Variants in ENTREP2 observed in about 807,000 individuals in gnomAD.
ENTREP2 encodes the protein endosomal transmembrane epsin interactor 2.
chr15:29,324,358 A>G, the ENTREP2 span, among the ~76,000 whole-genome samples: 1 of 152,218 alleles, frequency 6.6e-6, no homozygotes, highest in Non-Finnish European at 1.5e-5. Context: ...CTAGGATTAC[A>G]GGCATGAGCC....
chr15:29,668,332 C>T, the ENTREP2 span, among the ~76,000 whole-genome samples: 1 of 152,124 alleles, frequency 6.6e-6, no homozygotes, highest in Admixed American at 6.6e-5. Flanking sequence ...CAGCAGATGG[C>T]GCCACTTCGG....
chr15:29,194,657 T>A, the ENTREP2 span, among the ~76,000 whole-genome samples: 4 of 152,152 alleles, frequency 2.6e-5, no homozygotes, highest in Non-Finnish European at 5.9e-5. Context: ...GAACAGTGAA[T>A]AAGAGTGAGA....
chr15:29,268,903 G>C, the ENTREP2 span: 1 of 1,614,156 alleles, frequency 6.2e-7, no homozygotes, highest in Non-Finnish European at 8.5e-7. Context: ...ATGGACCTTG[G>C]CCACAAACTT....
chr15:29,391,597 T>C, the ENTREP2 span, among the ~76,000 whole-genome samples: 1 of 152,082 alleles, frequency 6.6e-6, no homozygotes, highest in African/African-American at 2.4e-5. Context: ...TTGATGCACA[T>C]TCTCTCTTAA....
the ENTREP2 span, among the ~76,000 whole-genome samples, chr15:29,653,529 TAGTG>T: frequency 6.6e-6 from 1 of 152,180 alleles, no homozygotes; most frequent in Non-Finnish European, 1.5e-5. Flanking sequence ...GTTCTCATCA[TAGTG>T]AGTGAGATGT....
chr15:29,202,810 T>A, the ENTREP2 span, among the ~76,000 whole-genome samples: 22 of 152,242 alleles, frequency 1.4e-4, no homozygotes, highest in African/African-American at 5.3e-4. Flanking sequence ...GCAAAAGGCA[T>A]GAACTTATTC....
the ENTREP2 span, among the ~76,000 whole-genome samples, chr15:29,493,581 C>A: frequency 1.7e-5 from 2 of 118,526 alleles, no homozygotes; most frequent in African/African-American, 8.2e-5. Context: ...AACACCACTG[C>A]ACTCCAGCCA....
At chr15:29,280,753 G>A in the ENTREP2 span, among the ~76,000 whole-genome samples, 1 of 152,224 alleles carries the variant, frequency 6.6e-6, no homozygotes, top group Non-Finnish European at 1.5e-5. Flanking sequence ...ATGGGAAGGC[G>A]TTTCCTCAAA....
chr15:29,629,160 T>C, the ENTREP2 span, among the ~76,000 whole-genome samples: 1 of 152,196 alleles, frequency 6.6e-6, no homozygotes, highest in African/African-American at 2.4e-5. Context: ...TTCCATCCTT[T>C]TATATTCAAT....
At chr15:29,160,370 G>T in the ENTREP2 span, among the ~76,000 whole-genome samples, 1 of 152,166 alleles carries the variant, frequency 6.6e-6, no homozygotes, top group Non-Finnish European at 1.5e-5. Flanking sequence ...CGCCAAAGTG[G>T]GAGCCCAGGC....
the ENTREP2 span, among the ~76,000 whole-genome samples, chr15:29,355,268 C>T: frequency 2.6e-5 from 4 of 152,096 alleles, no homozygotes; most frequent in Non-Finnish European, 2.9e-5. Flanking sequence ...CTCCCCATTA[C>T]CCAATTTAAA....
chr15:29,350,264 A>G, the ENTREP2 span, among the ~76,000 whole-genome samples: 1 of 152,196 alleles, frequency 6.6e-6, no homozygotes, highest in Non-Finnish European at 1.5e-5. Context: ...AAATTAAGCC[A>G]TCTCATCTAA....
the ENTREP2 span, among the ~76,000 whole-genome samples, chr15:29,605,062 C>A: frequency 6.6e-6 from 1 of 152,214 alleles, no homozygotes; most frequent in Non-Finnish European, 1.5e-5. Context: ...TGAGACAAAG[C>A]TTTGCAGTTT....
the ENTREP2 span, among the ~76,000 whole-genome samples, chr15:29,140,991 A>AC: frequency 2.0e-5 from 3 of 152,020 alleles, no homozygotes; most frequent in Admixed American, 1.3e-4. Flanking sequence ...AGGATTTGAG[A>AC]CCCCGCTGGA....
chr15:29,611,811 C>A, the ENTREP2 span, among the ~76,000 whole-genome samples: 4 of 152,184 alleles, frequency 2.6e-5, no homozygotes, highest in African/African-American at 9.7e-5. Context: ...GTACAGGAAT[C>A]GCATCATTCA....
the ENTREP2 span, among the ~76,000 whole-genome samples, chr15:29,442,407 G>C: frequency 6.6e-6 from 1 of 152,166 alleles, no homozygotes; most frequent in African/African-American, 2.4e-5. Context: ...ATGATCAGAG[G>C]CTCTAAGGAG....
chr15:29,144,751 A>G, the ENTREP2 span, among the ~76,000 whole-genome samples: 1 of 151,902 alleles, frequency 6.6e-6, no homozygotes, highest in Non-Finnish European at 1.5e-5. Flanking sequence ...AACAAAAAAA[A>G]ACATTTAGCC....
At chr15:29,395,004 T>C in the ENTREP2 span, among the ~76,000 whole-genome samples, 96,829 of 145,762 alleles carry the variant, frequency 0.66, 34,537 homozygotes, top group Admixed American at 0.77. Context: ...TCTCCTGCCT[T>C]AGCCTCCTGA....
chr15:29,655,003 C>T, the ENTREP2 span, among the ~76,000 whole-genome samples: 11 of 152,196 alleles, frequency 7.2e-5, no homozygotes, highest in African/African-American at 2.7e-4. Flanking sequence ...TGTTTCTATT[C>T]ACTGCTGTTG....
Sources: gnomAD v4.1 joint callset for allele counts (sites outside exome capture counted in the v4.1 genomes callset) on GRCh38, gnomAD v4.1.1 for gene constraint, MANE v1.5 for transcripts, NCBI Gene and HGNC (gene_info 2026-07-23, HGNC 2026-07-21) for gene names.